Variants in CRYBA2 observed in about 807,000 individuals in gnomAD.
CRYBA2 encodes the protein beta-crystallin A2.
CRYBA2 carries 17 observed loss-of-function variants against 18.5 expected under a neutral mutation model. The observed-to-expected ratio is 0.92, with a 90% CI of 0.63 to 1.38. The LOEUF is 1.38. CRYBA2 is among the 40% of genes most tolerant of loss of function. The pLI, the probability that CRYBA2 is intolerant of heterozygous loss-of-function variation, is 0.00. For synonymous variants in CRYBA2, 101 were observed against 106.2 expected (o/e 0.95, Z 0.30); for missense variants, 271 against 265.0 (o/e 1.02, Z -0.16).
At chr2:218,990,530 G>T in intron 3 of CRYBA2, 131 bp from the exon 4 acceptor site, 2 of 1,179,342 alleles carry the variant, frequency 1.7e-6, no homozygotes, top group Non-Finnish European at 2.4e-6. Context: ...CTTTCCCTCC[G>T]TGGCTCTCTC....
chr2:218,991,742 G>A (rs1945499861), intron 2 of CRYBA2: 3 of 244,322 alleles, frequency 1.2e-5, no homozygotes, highest in Non-Finnish European at 2.3e-5. Context: ...GTCCCTTTGA[G>A]CCCCATTTCC....
rs1356118245 is a variant in CRYBA2 at position 218,992,191 on chromosome 2, T to C, written c.214A>G (p.Lys72Glu). ...DFQGQQFILE[K>E]GDYPRWSAWS... Reference sequence around the variant, plus strand: ...GCGCTCCAGCGAGGATAGTCTCCCTTCTCCAGAATGAACTGCTGTCCCTGG... The same window carrying C: ...GCGCTCCAGCGAGGATAGTCTCCCTCCTCCAGAATGAACTGCTGTCCCTGG... Residue 72 changes from lysine (K) to glutamate (E), a missense_variant, in exon 2 of 4, where the codon AAG becomes GAG. Coordinates refer to ENST00000295728, the MANE Select transcript of CRYBA2 (RefSeq NM_057093.2). 6.2e-7 allele frequency: 1 copy of C among 1,613,612 alleles called. No homozygotes were observed. Among genetic ancestry groups the C allele is most frequent in the Middle Eastern group, 1.6e-4 (1 of 6,062 alleles).
At chr2:218,992,939 G>T (rs895664053) in intron 1 of CRYBA2, 77 bp downstream of exon 1, 3 of 1,224,736 alleles carry the variant, frequency 2.4e-6, no homozygotes, top group Non-Finnish European at 3.5e-6. Flanking sequence ...CAGGACAGGG[G>T]GCTGAGGCTC....
rs1218261321 is a variant in CRYBA2, at chr2:218,992,189, C to T, written c.216G>A (p.Lys72=). ...AGGCGCTCCAGCGAGGATAGTCTCC[C>T]TTCTCCAGAATGAACTGCTGTCCCT... ...DFQGQQFILE[K]GDYPRWSAWS... The change falls in exon 2 of 4, where the codon AAG becomes AAA. Residue 72 remains lysine (K), a synonymous_variant. Transcript: ENST00000295728. 1.2e-6 allele frequency: 2 copies of T among 1,613,702 alleles called. No individual in the cohort carries two copies. Among genetic ancestry groups the T allele is most frequent in the South Asian group, 1.1e-5 (1 of 91,080 alleles).
At position 218,993,313 on chromosome 2, in the gene CRYBA2, GC is replaced by G; in HGVS notation, c.-138del. 1 of 820,850 alleles carries G rather than the reference GC, an allele frequency of 1.2e-6. No homozygotes were observed. The highest frequency in any genetic ancestry group is 1.8e-6 in the Non-Finnish European group (1 of 544,504). 50.8% of individuals were successfully genotyped at this position (820,850 alleles called of 1,614,324 possible). The stretch of plus-strand genomic sequence containing the variant: ...ACCCGGCCTAGCTCTGGACCCGGCT[GC>G]CAGGGGCTCGCAGTCTTCCCGCGCT... On this transcript the variant is annotated 5_prime_UTR_variant, in exon 1 of 4. It introduces an in-frame stop codon into an upstream open reading frame of the 5' UTR. Transcript: ENST00000295728. This position sits in a 1 kb window ranked among gnomAD's most constrained non-coding sequence, Gnocchi z 7.7.
In CRYBA2 at chr2:218,993,304, G is replaced by A; in HGVS notation, c.-128C>T. 1 of 926,700 alleles carries A rather than the reference G, an allele frequency of 1.1e-6. No homozygotes were observed. The highest frequency in any genetic ancestry group is 1.6e-6 in the Non-Finnish European group (1 of 638,710). 57.4% of individuals were successfully genotyped at this position (926,700 alleles called of 1,614,324 possible). A position where few individuals can be genotyped will look rare whatever the true frequency, so the allele number is the denominator to read the frequency against. ...GGGGGCTGGACCCGGCCTAGCTCTG[G>A]ACCCGGCTGCCAGGGGCTCGCAGTC... On this transcript the variant is annotated 5_prime_UTR_variant, in exon 1 of 4. Transcript: ENST00000295728. This position sits in a 1 kb window ranked among gnomAD's most constrained non-coding sequence, Gnocchi z 7.7.
In CRYBA2 at chr2:218,993,292, G is replaced by A. The variant is rs1559103466; in HGVS notation, c.-116C>T. On this transcript the variant is annotated 5_prime_UTR_variant, in exon 1 of 4. Transcript: ENST00000295728. This position sits in a 1 kb window ranked among gnomAD's most constrained non-coding sequence, Gnocchi z 7.7. ...GATGAAGAACCCGGGGGCTGGACCC[G>A]GCCTAGCTCTGGACCCGGCTGCCAG... 5.5e-6 allele frequency: 6 copies of A among 1,092,640 alleles called. No individual in the cohort carries two copies. 67.7% of individuals were successfully genotyped at this position (1,092,640 alleles called of 1,614,324 possible). A position where few individuals can be genotyped will look rare whatever the true frequency, so the allele number is the denominator to read the frequency against.
chr2:218,993,264 G>T lies in CRYBA2; in HGVS notation c.-88C>A. ...ACACACAGCCTGCCCAACCTGGGTAGCGGATGAAGAACCCGGGGGCTGGAC... is the reference window on the plus strand; with the variant it reads ...ACACACAGCCTGCCCAACCTGGGTATCGGATGAAGAACCCGGGGGCTGGAC... On this transcript the variant is annotated 5_prime_UTR_variant, in exon 1 of 4. Transcript: ENST00000295728. This position sits in a 1 kb window ranked among gnomAD's most constrained non-coding sequence, Gnocchi z 7.7. 7.3e-7 allele frequency: 1 copy of T among 1,368,406 alleles called. No individual in the cohort carries two copies. 84.8% of individuals were successfully genotyped at this position (1,368,406 alleles called of 1,614,324 possible). A position where few individuals can be genotyped will look rare whatever the true frequency, so the allele number is the denominator to read the frequency against.
At position 218,993,207 on chromosome 2, in the gene CRYBA2, C is replaced by A; in HGVS notation, c.-31G>T. 2 of 1,559,454 alleles carry A rather than the reference C, an allele frequency of 1.3e-6. No individual in the cohort carries two copies. The highest frequency in any genetic ancestry group is 1.9e-4 in the Middle Eastern group (1 of 5,150). On this transcript the variant is annotated 5_prime_UTR_variant, in exon 1 of 4. Coordinates refer to ENST00000295728, the MANE Select transcript of CRYBA2 (RefSeq NM_057093.2). The surrounding 1 kb of genome is among the most constrained non-coding windows in gnomAD (Gnocchi z 7.7). ...TGCGGACAGGAAGGGTGGCACCACG[C>A]GCTCAGCGTCTCAAGAGCCCCGTTT...
At chr2:218,992,931 G>A in intron 1 of CRYBA2, 85 bp downstream of exon 1, 1 of 1,159,856 alleles carries the variant, frequency 8.6e-7, no homozygotes, top group South Asian at 1.4e-5. Context: ...AGGGCTCACA[G>A]GACAGGGGGC....
chr2:218,990,438 G>GCCCCCCCCCCCCCCCCCCCTTTCCCCC, intron 3 of CRYBA2, 39 bp from the exon 4 acceptor site: 1 of 1,606,078 alleles, frequency 6.2e-7, no homozygotes. Flanking sequence ...AGTAAGCTCT[G>GCCCCCCCCCCCCCCCCCCCTTTCCCCC]CCCCCACCCC....
At position 218,992,168 on chromosome 2, in the gene CRYBA2, G is replaced by C; in HGVS notation, c.237C>G (p.Ser79Arg). The part of the protein sequence containing the change: ...ILEKGDYPRW[S>R]AWSGSSSHNS... The stretch of plus-strand genomic sequence containing the variant: ...TGTGGCTGCTGCTGCCACTCCAGGC[G>C]CTCCAGCGAGGATAGTCTCCCTTCT... Residue 79 changes from serine to arginine, a missense_variant, in exon 2 of 4, where the codon AGC (serine) becomes AGG (arginine). By Grantham distance (110) the Ser-to-Arg change is moderately radical. Coordinates refer to ENST00000295728, the MANE Select transcript of CRYBA2 (RefSeq NM_057093.2). 1 of 1,613,418 alleles carries C rather than the reference G, an allele frequency of 6.2e-7. No homozygotes were observed. The highest frequency in any genetic ancestry group is 8.5e-7 in the Non-Finnish European group (1 of 1,179,872).
chr2:218,990,678 T>A (rs1484607475), intron 3 of CRYBA2, among the ~76,000 whole-genome samples, 174 bp downstream of exon 3: 1 of 150,802 alleles, frequency 6.6e-6, no homozygotes, highest in African/African-American at 2.4e-5. Context: ...CCCATTCTCC[T>A]AGGACCTCCT....
chr2:218,991,847 G>C (rs1281453418), intron 2 of CRYBA2: 5 of 476,808 alleles, frequency 1.0e-5, no homozygotes, highest in Middle Eastern at 1.1e-3. Flanking sequence ...ATGGAATGTG[G>C]GGGAACCCTG....
At chr2:218,992,526 C>T (rs1200658941) in intron 1 of CRYBA2, among the ~76,000 whole-genome samples, 2 of 152,250 alleles carry the variant, frequency 1.3e-5, no homozygotes, top group East Asian at 3.9e-4. Context: ...GTGCTCCTGC[C>T]TCAAGGGTTT....
intron 1 of CRYBA2, 130 bp from the exon 2 acceptor site, chr2:218,992,373 C>A (rs1293343060): frequency 1.6e-5 from 15 of 942,732 alleles, no homozygotes; most frequent in South Asian, 8.7e-5. Context: ...TCCCCTGACA[C>A]CCCCATTGTA....
At chr2:218,991,930 T>A in intron 2 of CRYBA2, 172 bp downstream of exon 2, 1 of 641,770 alleles carries the variant, frequency 1.6e-6, no homozygotes, top group Non-Finnish European at 2.6e-6. Context: ...ACGCCCACAA[T>A]CCCAACTTTC....
At chr2:218,990,530 G>A (rs902229113) in intron 3 of CRYBA2, 131 bp from the exon 4 acceptor site, 25 of 1,179,288 alleles carry the variant, frequency 2.1e-5, no homozygotes, top group South Asian at 1.0e-4. Context: ...CTTTCCCTCC[G>A]TGGCTCTCTC....
At position 218,990,235 on chromosome 2, in the gene CRYBA2, G is replaced by A; in HGVS notation, c.*17C>T. On this transcript the variant is annotated 3_prime_UTR_variant, in exon 4 of 4. Coordinates refer to ENST00000295728, the MANE Select transcript of CRYBA2 (RefSeq NM_057093.2). ...TTTATTGAGTGTCCTCAGGGAAGGT[G>A]TCTGGGGCCGTGGAGCCTAGTGCTG... 1 of 1,614,040 alleles carries A rather than the reference G, an allele frequency of 6.2e-7. No homozygotes were observed. Among genetic ancestry groups the A allele is most frequent in the African/African-American group, 1.3e-5 (1 of 75,040 alleles).
Sources: allele counts gnomAD v4.1 joint callset (sites outside exome capture counted in the v4.1 genomes callset), GRCh38; gene constraint gnomAD v4.1.1; non-coding constraint Gnocchi (gnomAD v3.1); transcripts MANE v1.5; gene names NCBI Gene and HGNC (gene_info 2026-07-23, HGNC 2026-07-21).